Variants in SEMA3A observed in about 807,000 individuals in gnomAD.
SEMA3A encodes semaphorin 3A.
SEMA3A carries 29 observed loss-of-function variants against 97.9 expected under a neutral mutation model. That is an observed-to-expected ratio of 0.30 (90% CI 0.22 to 0.40). The LOEUF is 0.40. SEMA3A is among the 10% of genes least tolerant of loss of function. The pLI, the probability that SEMA3A is intolerant of heterozygous loss-of-function variation, is 1.00. For missense variants in SEMA3A, 763 were observed against 951.3 expected (o/e 0.80, Z 2.60); for synonymous variants, 321 against 323.7 (o/e 0.99, Z 0.09).
intron 1 of SEMA3A, among the ~76,000 whole-genome samples, chr7:84,144,038 G>A (rs1431196346): frequency 6.7e-6 from 1 of 149,900 alleles, no homozygotes; most frequent in East Asian, 2.0e-4. Flanking sequence ...GGATATCACT[G>A]TAGGTAAATT....
At chr7:84,277,028 A>G (rs1800316223) in intron 3 of SEMA3A, among the ~76,000 whole-genome samples, 1 of 152,060 alleles carries the variant, frequency 6.6e-6, no homozygotes, top group Non-Finnish European at 1.5e-5. Context: ...ATGTACCTAA[A>G]TGTGCTGCTT....
At chr7:84,334,324 T>C (rs955317714) in intron 2 of SEMA3A, among the ~76,000 whole-genome samples, 8 of 152,124 alleles carry the variant, frequency 5.3e-5, no homozygotes, top group African/African-American at 1.4e-4. Context: ...CTAAAGTTAA[T>C]CTCTATGTTC....
At chr7:84,465,279 A>G (rs911377971) in intron 1 of SEMA3A, among the ~76,000 whole-genome samples, 1 of 152,146 alleles carries the variant, frequency 6.6e-6, no homozygotes, top group African/African-American at 2.4e-5. Context: ...AGGATTGACT[A>G]TATTGGCAAA....
chr7:84,033,298 AT>A (rs994779671), intron 6 of SEMA3A, among the ~76,000 whole-genome samples: 1 of 152,130 alleles, frequency 6.6e-6, no homozygotes, highest in Admixed American at 6.6e-5. Flanking sequence ...CATAAAGAGC[AT>A]TTTTTTCTAA....
intron 2 of SEMA3A, among the ~76,000 whole-genome samples, chr7:84,330,702 T>A (rs1801889944): frequency 6.6e-6 from 1 of 152,252 alleles, no homozygotes; most frequent in African/African-American, 2.4e-5. Flanking sequence ...TTATTTATTT[T>A]TTTGCATGCT....
At chr7:84,371,293 C>T (rs1055692055) in intron 2 of SEMA3A, among the ~76,000 whole-genome samples, 4 of 151,562 alleles carry the variant, frequency 2.6e-5, no homozygotes, top group African/African-American at 9.7e-5. Context: ...TAATTTATGT[C>T]ATATAGTATG....
At chr7:84,323,829 A>C (rs2115920457) in intron 2 of SEMA3A, among the ~76,000 whole-genome samples, 1 of 152,312 alleles carries the variant, frequency 6.6e-6, no homozygotes, top group South Asian at 2.1e-4. Flanking sequence ...CTGATATTAT[A>C]ACAGACAGTA....
At chr7:84,380,383 C>T (rs1803226522) in intron 1 of SEMA3A, among the ~76,000 whole-genome samples, 1 of 152,128 alleles carries the variant, frequency 6.6e-6, no homozygotes, top group Admixed American at 6.5e-5. Flanking sequence ...ACAAAATCTT[C>T]ATGCACAGCA....
chr7:84,338,990 AT>A (rs1160907553), intron 2 of SEMA3A, among the ~76,000 whole-genome samples: 1 of 152,144 alleles, frequency 6.6e-6, no homozygotes, highest in Non-Finnish European at 1.5e-5. Context: ...CTTTGTTTTT[AT>A]ATGTTATAGC....
intron 1 of SEMA3A, chr7:84,492,339 G>C (rs1215720429): frequency 6.6e-6 from 1 of 152,080 alleles, no homozygotes; most frequent in African/African-American, 2.4e-5. Context: ...GAAATTAATG[G>C]GGTTATGAAC....
At chr7:84,186,716 C>A (rs1456860334) in intron 1 of SEMA3A, among the ~76,000 whole-genome samples, 1 of 151,700 alleles carries the variant, frequency 6.6e-6, no homozygotes, top group African/African-American at 2.4e-5. Context: ...ATTGTCCTTT[C>A]CTGGCAATAT....
upstream of SEMA3A, chr7:84,195,143 T>C (rs1025685074): frequency 2.0e-5 from 3 of 152,116 alleles, no homozygotes; most frequent in Non-Finnish European, 2.9e-5. Context: ...CTCACTAGAC[T>C]GGCTGACAAT....
At chr7:84,081,457 T>G (rs933373947) in intron 4 of SEMA3A, among the ~76,000 whole-genome samples, 1 of 151,674 alleles carries the variant, frequency 6.6e-6, no homozygotes, top group Non-Finnish European at 1.5e-5. Flanking sequence ...TCTGGGCGTG[T>G]TGGTGGGTGC....
At chr7:83,989,309 G>A (rs1362408702) in intron 12 of SEMA3A, among the ~76,000 whole-genome samples, 2 of 152,018 alleles carry the variant, frequency 1.3e-5, no homozygotes, top group Admixed American at 6.6e-5. Flanking sequence ...AATCTATAAG[G>A]TAGATAAAAA....
chr7:84,484,616 T>C (rs978897761), intron 1 of SEMA3A, among the ~76,000 whole-genome samples: 1 of 152,050 alleles, frequency 6.6e-6, no homozygotes, highest in African/African-American at 2.4e-5. Flanking sequence ...TTAATAAATG[T>C]ACCTTAACAT....
At chr7:84,297,200 C>T (rs1800894430) in intron 3 of SEMA3A, among the ~76,000 whole-genome samples, 1 of 152,120 alleles carries the variant, frequency 6.6e-6, no homozygotes, top group South Asian at 2.1e-4. Flanking sequence ...TGGTCTCAAA[C>T]TTCTGACCTC....
intron 3 of SEMA3A, chr7:84,306,453 C>T (rs994156719): frequency 2.0e-5 from 3 of 152,084 alleles, no homozygotes; most frequent in African/African-American, 7.2e-5. Flanking sequence ...TTTCTCTTAA[C>T]AGTCCCATAC....
chr7:84,482,580 C>A (rs1019762058), intron 1 of SEMA3A, among the ~76,000 whole-genome samples: 2 of 152,248 alleles, frequency 1.3e-5, no homozygotes, highest in South Asian at 2.1e-4. Context: ...CAGGAATTTA[C>A]AAGGTGTTAT....
chr7:84,148,930 T>C (rs1796545848), intron 1 of SEMA3A, among the ~76,000 whole-genome samples: 1 of 152,240 alleles, frequency 6.6e-6, no homozygotes, highest in Admixed American at 6.5e-5. Context: ...AAATATGTGT[T>C]AATTGACTGT....
Sources: allele counts gnomAD v4.1 joint callset (sites outside exome capture counted in the v4.1 genomes callset), GRCh38; gene constraint gnomAD v4.1.1; transcripts MANE v1.5; gene names NCBI Gene and HGNC (gene_info 2026-07-23, HGNC 2026-07-21).